NR3C2: variants seen among roughly 807,000 people sequenced by gnomAD.
The protein encoded by NR3C2 is nuclear receptor subfamily 3 group C member 2, also known as mineralocorticoid receptor.
NR3C2 carries 15 observed loss-of-function variants against 86.4 expected under a neutral mutation model. The observed-to-expected ratio is 0.17, with a 90% CI of 0.12 to 0.27. NR3C2 has a LOEUF of 0.27. Among genes scored for constraint, NR3C2 ranks in the 10% least tolerant of loss-of-function variants. The pLI, the probability that NR3C2 is intolerant of heterozygous loss-of-function variation, is 1.00. For missense variants in NR3C2, 960 were observed against 1,195.6 expected (o/e 0.80, Z 2.91); for synonymous variants, 458 against 450.5 (o/e 1.02, Z -0.21).
rs186729611 is a variant in NR3C2, at chr4:148,185,372, G to A, written c.2014+9374C>T. On this transcript the variant is annotated intron_variant, in intron 4 of 8. Coordinates refer to ENST00000358102, the MANE Select transcript of NR3C2 (RefSeq NM_000901.5). ...GTCCTCACATTAGCAGTAAGGCCAA[G>A]CTCACTGTTCTCTTGATTTCTAGGA... 4.4e-4 allele frequency among the ~76,000 whole-genome samples: 67 copies of A among 152,312 alleles called. 1 individual carries two copies. Among genetic ancestry groups the A allele is most frequent in the Admixed American group, 4.2e-3 (65 of 15,306 alleles).
chr4:148,351,605 C>T (rs1243814776), intron 2 of NR3C2, among the ~76,000 whole-genome samples: 1 of 152,164 alleles, frequency 6.6e-6, no homozygotes, highest in East Asian at 1.9e-4. Flanking sequence ...TTAGTAACAG[C>T]CTTGGAAGAG....
Position 148,442,241 on chromosome 4 carries a change from C to G in NR3C2, c.-84G>C, listed in dbSNP as rs1376490986. 1 of 153,048 alleles carries G rather than the reference C, an allele frequency of 6.5e-6. No individual in the cohort carries two copies. The highest frequency in any genetic ancestry group is 1.5e-5 in the Non-Finnish European group (1 of 68,662). The allele number at this position is 153,048 out of a possible 1,614,324, so 9.5% of individuals were successfully genotyped here. A position where few individuals can be genotyped will look rare whatever the true frequency, so the allele number is the denominator to read the frequency against. ...CACGAAACCCCTGCTGCGGAGCCCC[C>G]CTAAATCCAACCACATCCAGGCCAG... On this transcript the variant is annotated 5_prime_UTR_variant, in exon 1 of 9. Transcript: ENST00000358102.
intron 5 of NR3C2, among the ~76,000 whole-genome samples, chr4:148,153,343 A>G (rs1478215185): frequency 6.6e-6 from 1 of 152,052 alleles, no homozygotes; most frequent in Admixed American, 6.6e-5. Flanking sequence ...ACGCCCAACT[A>G]AATTTTGTAT....
intron 8 of NR3C2, among the ~76,000 whole-genome samples, chr4:148,105,726 C>T (rs1228217034): frequency 1.3e-5 from 2 of 152,166 alleles, no homozygotes; most frequent in Non-Finnish European, 2.9e-5. Context: ...GTTCGACATA[C>T]ACAAATCAAT....
At chr4:148,260,897 G>A (rs1048511987) in intron 2 of NR3C2, among the ~76,000 whole-genome samples, 4 of 152,168 alleles carry the variant, frequency 2.6e-5, no homozygotes, top group African/African-American at 9.7e-5. Flanking sequence ...TACTGTGTTA[G>A]TTGATGACAC....
intron 2 of NR3C2, among the ~76,000 whole-genome samples, chr4:148,324,344 TG>T (rs2149959338): frequency 5.6e-5 from 5 of 88,848 alleles, no homozygotes; most frequent in Non-Finnish European, 1.1e-4. Flanking sequence ...TGTGTGTGTG[TG>T]TGTGTGTGTG....
intron 6 of NR3C2, among the ~76,000 whole-genome samples, chr4:148,151,625 T>A (rs1343271018): frequency 1.3e-5 from 2 of 152,202 alleles, no homozygotes; most frequent in Admixed American, 1.3e-4. Context: ...TGTCTATACT[T>A]TTCATCTTTT....
intron 2 of NR3C2, among the ~76,000 whole-genome samples, chr4:148,326,640 C>T (rs1004004145): frequency 6.6e-6 from 1 of 151,822 alleles, no homozygotes; most frequent in Non-Finnish European, 1.5e-5. Context: ...TCCAACTCTT[C>T]AAGTTTTTTT....
intron 6 of NR3C2, among the ~76,000 whole-genome samples, chr4:148,133,028 G>A (rs1011615921): frequency 3.3e-5 from 5 of 151,958 alleles, no homozygotes; most frequent in South Asian, 2.1e-4. Flanking sequence ...GTAGGACTCC[G>A]TCTCTATTAA....
intron 2 of NR3C2, among the ~76,000 whole-genome samples, chr4:148,363,199 C>T (rs75038115): frequency 0.019 from 2,821 of 152,246 alleles, 72 homozygotes; most frequent in African/African-American, 0.063. Flanking sequence ...ATCAAGAGTA[C>T]AAATTTACTT....
At chr4:148,371,629 AG>A (rs1341464125) in intron 2 of NR3C2, among the ~76,000 whole-genome samples, 1 of 151,688 alleles carries the variant, frequency 6.6e-6, no homozygotes, top group Non-Finnish European at 1.5e-5. Flanking sequence ...GAAAAAAAAA[AG>A]GAGGAAAAGA....
At position 148,275,395 on chromosome 4, in the gene NR3C2, TCAATTTACTATAAAGTAGATAAGC is replaced by T. The variant is rs1477539517; in HGVS notation, c.1758-15302_1758-15279del. The stretch of plus-strand genomic sequence containing the variant: ...AAGCAAAGAAGACATTATGAGGAAT[TCAATTTACTATAAAGTAGATAAGC>T]CAATCTTATCTTATCTTTTTTTTTT... On this transcript the variant is annotated intron_variant, in intron 2 of 8. Transcript: ENST00000358102. Among the ~76,000 whole-genome samples, 9 of 152,074 alleles carry T rather than the reference TCAATTTACTATAAAGTAGATAAGC, an allele frequency of 5.9e-5. No homozygotes were observed. The East Asian group carries it at 1.7e-3, about 29-fold the overall frequency.
intron 6 of NR3C2, among the ~76,000 whole-genome samples, chr4:148,122,081 T>C (rs1258203566): frequency 6.6e-6 from 1 of 152,078 alleles, no homozygotes. Context: ...TCCAATTTCA[T>C]TTTTTTTCTA....
At chr4:148,211,784 A>C (rs528912029) in intron 3 of NR3C2, among the ~76,000 whole-genome samples, 8 of 152,226 alleles carry the variant, frequency 5.3e-5, no homozygotes, top group Non-Finnish European at 1.2e-4. Flanking sequence ...GATGGCATTC[A>C]TCAGATACCA....
chr4:148,154,726 G>C lies in NR3C2; in HGVS notation c.2190C>G (p.Ile730Met). 1 of 1,603,326 alleles carries C rather than the reference G, an allele frequency of 6.2e-7. No homozygotes were observed. Among genetic ancestry groups the C allele is most frequent in the African/African-American group, 1.4e-5 (1 of 74,020 alleles). Residue 730 changes from isoleucine to methionine, a missense_variant, in exon 5 of 9, where the codon ATC becomes ATG. Ile to Met is a conservative substitution (Grantham distance 10, BLOSUM62 1). This residue lies in a region of NR3C2 where 82 missense variants were observed against 73.0 expected (regional missense o/e 1.12). Coordinates refer to ENST00000358102, the MANE Select transcript of NR3C2 (RefSeq NM_000901.5). The part of the protein sequence containing the change: ...NTALVPQLST[I>M]SRALTPSPVM... ...CGGGGGAAGGTGTGAGCGCTCGTGA[G>C]ATTGTGGAGAGCTGAGGAACCAGTG...
intron 7 of NR3C2, among the ~76,000 whole-genome samples, chr4:148,117,936 C>T (rs1560930477): frequency 2.0e-5 from 3 of 152,198 alleles, no homozygotes. Context: ...CTCTGAAGTC[C>T]ATACCACCTG....
chr4:148,099,983 C>T (rs964539149), intron 8 of NR3C2, among the ~76,000 whole-genome samples: 1 of 152,138 alleles, frequency 6.6e-6, no homozygotes, highest in African/African-American at 2.4e-5. Context: ...CATAATGAGG[C>T]AAGATCCTAG....
chr4:148,426,160 A>G (rs1056324521), intron 2 of NR3C2, among the ~76,000 whole-genome samples: 1 of 152,156 alleles, frequency 6.6e-6, no homozygotes, highest in African/African-American at 2.4e-5. Flanking sequence ...ACAGATGACA[A>G]AGCAAATATA....
chr4:148,255,138 T>A (rs1739769978), intron 3 of NR3C2, among the ~76,000 whole-genome samples: 2 of 152,034 alleles, frequency 1.3e-5, no homozygotes, highest in Admixed American at 1.3e-4. Flanking sequence ...TGCTCATGAG[T>A]GTGTGCACAC....
Sources: allele counts gnomAD v4.1 joint callset (sites outside exome capture counted in the v4.1 genomes callset), GRCh38; gene constraint gnomAD v4.1.1; regional missense constraint gnomAD v4.1.1; transcripts MANE v1.5; gene names NCBI Gene and HGNC (gene_info 2026-07-23, HGNC 2026-07-21).